SNAP47: variants seen among roughly 807,000 people sequenced by gnomAD.
SNAP47 encodes the protein synaptosomal-associated protein 47.
Under a neutral mutation model 31.4 loss-of-function variants are expected in SNAP47, and 20 were observed. The observed-to-expected ratio is 0.64, with a 90% CI of 0.45 to 0.93. The LOEUF (loss-of-function observed/expected upper bound fraction) is 0.93. Among genes scored for constraint, SNAP47 ranks in the 40% least tolerant of loss-of-function variants. SNAP47 has a pLI of 0.00. For synonymous variants in SNAP47, 194 were observed against 213.4 expected (o/e 0.91, Z 0.79); for missense variants, 492 against 528.5 (o/e 0.93, Z 0.68).
chr1:227,743,432 C>A (rs1661750146), intron 1 of SNAP47, among the ~76,000 whole-genome samples: 1 of 152,192 alleles, frequency 6.6e-6, no homozygotes, highest in Non-Finnish European at 1.5e-5. Context: ...TGGGCTCCGG[C>A]CTCCCATGGG....
Position 227,780,826 on chromosome 1 carries a change from G to A in SNAP47, c.*153G>A. 1 of 1,079,820 alleles carries A rather than the reference G, an allele frequency of 9.3e-7. No individual in the cohort carries two copies. Among genetic ancestry groups the A allele is most frequent in the Middle Eastern group, 3.0e-4 (1 of 3,338 alleles). 66.9% of individuals were successfully genotyped at this position (1,079,820 alleles called of 1,614,324 possible). On this transcript the variant is annotated 3_prime_UTR_variant, in exon 5 of 5. Transcript: ENST00000617596. ...CTGTGGGGCTGCTTCTGCACCAGGG[G>A]CCTCCCCAGGTGTGCACCATGCCTG...
Position 227,748,454 on chromosome 1 carries a change from C to T in SNAP47, c.497+221C>T, listed in dbSNP as rs117387337. On this transcript the variant is annotated intron_variant, in intron 2 of 4. Coordinates refer to ENST00000617596, the MANE Select transcript of SNAP47 (RefSeq NM_053052.4). Reference sequence around the variant, plus strand: ...TACACGGTACACTCTGCTGGAAACACACCGTGAGATCTGAGTGAGTGCTGG... The same window carrying T: ...TACACGGTACACTCTGCTGGAAACATACCGTGAGATCTGAGTGAGTGCTGG... Among the ~76,000 whole-genome samples the T allele has an allele frequency of 4.5e-3, 692 of 152,374 alleles. 17 individuals carry two copies. The South Asian group carries it at 0.055, about 12-fold the overall frequency.
At chr1:227,729,603 AGCTGCCCCTTCG>A (rs1346990169) in intron 1 of SNAP47, among the ~76,000 whole-genome samples, 1 of 152,140 alleles carries the variant, frequency 6.6e-6, no homozygotes. Context: ...CTGGCCAAGG[AGCTGCCCCTTCG>A]GCTGGGTCAG....
At chr1:227,733,562 T>A (rs996468289), upstream of SNAP47, 3 of 1,606,500 alleles carry the variant, frequency 1.9e-6, no homozygotes, top group Non-Finnish European at 2.5e-6. Context: ...GTAGGGCAGG[T>A]TGCCGTGGCG....
In SNAP47 at chr1:227,759,200, T is replaced by C. The variant is rs1662903067; in HGVS notation, c.703T>C (p.Ser235Pro). The C allele has an allele frequency of 2.5e-6, 4 of 1,614,074 alleles. No individual in the cohort carries two copies. Among genetic ancestry groups the C allele is most frequent in the Non-Finnish European group, 3.4e-6 (4 of 1,180,042 alleles). The change falls in exon 3 of 5, where the codon TCT (serine) becomes CCT (proline). Residue 235 changes from serine to proline, a missense_variant. Physicochemically the swap from Ser to Pro is moderately conservative, Grantham distance 74. Transcript: ENST00000617596. ...ACCAGGGAGGCTCACCGTCCTTGTG[T>C]CTGGGTTGGAAATACATGACTCCAG... ...VKPGRLTVLV[S>P]GLEIHDSSSL... is the part of the protein sequence containing the mutation.
At chr1:227,750,253 G>A (rs1228053849) in intron 2 of SNAP47, among the ~76,000 whole-genome samples, 1 of 152,272 alleles carries the variant, frequency 6.6e-6, no homozygotes, top group African/African-American at 2.4e-5. Context: ...TCTGCAGGGG[G>A]CCAGCAGCTG....
rs1663188059 is a variant in SNAP47, at chr1:227,763,423, C to G, written c.989-3536C>G. Among the ~76,000 whole-genome samples, 1 of 152,216 alleles carries G rather than the reference C, an allele frequency of 6.6e-6. No individual in the cohort carries two copies. Among genetic ancestry groups the G allele is most frequent in the African/African-American group, 2.4e-5 (1 of 41,460 alleles). On this transcript the variant is annotated intron_variant, in intron 3 of 4. Transcript: ENST00000617596. The surrounding 1 kb of genome is among the most constrained non-coding windows in gnomAD (Gnocchi z 4.2). The stretch of plus-strand genomic sequence containing the variant: ...CTGCACAGCAGCACCAGCAGCAGGA[C>G]AGGGCAGGAGGCAGGCGGATGCAGT...
chr1:227,732,340 G>A (rs528580525), upstream of SNAP47: 50 of 1,592,242 alleles, frequency 3.1e-5, no homozygotes, highest in South Asian at 2.7e-4. Context: ...GAAGGGCCCC[G>A]GAGCAGGAGG....
chr1:227,764,224 G>A (rs1663244950), intron 3 of SNAP47, among the ~76,000 whole-genome samples: 1 of 152,208 alleles, frequency 6.6e-6, no homozygotes, highest in South Asian at 2.1e-4. Context: ...GTTAAAAAGA[G>A]TGACTCAGCA....
At position 227,753,635 on chromosome 1, in the gene SNAP47, G is replaced by A. The variant is rs367551223; in HGVS notation, c.498-5360G>A. On this transcript the variant is annotated intron_variant, in intron 2 of 4. Coordinates refer to ENST00000617596, the MANE Select transcript of SNAP47 (RefSeq NM_053052.4). ...TGCAGCCTCTCAGCTTCCTCACATC[G>A]GAGGCAGTTTTACATAGGCCTGCTC... Among the ~76,000 whole-genome samples the A allele has an allele frequency of 2.0e-4, 31 of 152,186 alleles. No individual in the cohort carries two copies. In the South Asian group the frequency reaches 4.6e-3, roughly 22 times the overall value.
Position 227,748,284 on chromosome 1 carries a change from T to C in SNAP47, c.497+51T>C, listed in dbSNP as rs545284061. The C allele has an allele frequency of 1.3e-5, 19 of 1,478,492 alleles. No individual in the cohort carries two copies. The East Asian group carries it at 4.3e-4, about 34-fold the overall frequency. The allele number at this position is 1,478,492 out of a possible 1,614,324, so 91.6% of individuals were successfully genotyped here. ...AGGCACACACAGAGTAAGATGCACATGTGTGGAGGCTCACAGGCACTGTTC... is the reference window on the plus strand; with the variant it reads ...AGGCACACACAGAGTAAGATGCACACGTGTGGAGGCTCACAGGCACTGTTC... On this transcript the variant is annotated intron_variant, in intron 2 of 4. Transcript: ENST00000617596.
At chr1:227,734,954 C>T (rs1397005632), upstream of SNAP47, 55 of 1,500,216 alleles carry the variant, frequency 3.7e-5, no homozygotes, top group Admixed American at 4.4e-5. Context: ...GGGGGCCTCC[C>T]GGGCCTGGGT....
intron 2 of SNAP47, among the ~76,000 whole-genome samples, chr1:227,751,016 C>T (rs1040396386): frequency 4.6e-5 from 7 of 152,266 alleles, no homozygotes; most frequent in Admixed American, 6.5e-5. Flanking sequence ...GGGCACCAAG[C>T]GATGGGCCTG....
Position 227,780,767 on chromosome 1 carries a change from C to T in SNAP47, c.*94C>T. The T allele has an allele frequency of 6.5e-7, 1 of 1,541,324 alleles. No homozygotes were observed. Among genetic ancestry groups the T allele is most frequent in the Non-Finnish European group, 8.8e-7 (1 of 1,139,490 alleles). On this transcript the variant is annotated 3_prime_UTR_variant, in exon 5 of 5. Transcript: ENST00000617596. ...GCCAGGGCTGCAGAGGCCTGTGGCC[C>T]TCCGGAGTGGTCTTCCTCTGGATGG... is the stretch of plus-strand genomic sequence containing the variant.
upstream of SNAP47, chr1:227,733,857 G>C (rs753656200): frequency 8.1e-6 from 13 of 1,608,452 alleles, no homozygotes; most frequent in Non-Finnish European, 1.1e-5. Flanking sequence ...CTCCCAGTCC[G>C]TTCTGTCACC....
At chr1:227,758,505 G>A (rs1447297984) in intron 2 of SNAP47, among the ~76,000 whole-genome samples, 1 of 147,868 alleles carries the variant, frequency 6.8e-6, no homozygotes, top group Non-Finnish European at 1.5e-5. Context: ...AGTGTGGGTG[G>A]TGGGGAAGCA....
At chr1:227,775,805 C>G (rs1346802455) in intron 4 of SNAP47, 1 of 1,304,160 alleles carries the variant, frequency 7.7e-7, no homozygotes, top group South Asian at 1.2e-5. Context: ...CGGCCTATGT[C>G]GCTGTCAACC....
intron 4 of SNAP47, among the ~76,000 whole-genome samples, chr1:227,778,179 T>C (rs1664268217): frequency 6.6e-6 from 1 of 152,250 alleles, no homozygotes; most frequent in Non-Finnish European, 1.5e-5. Context: ...TGGTCTGTAT[T>C]ATGGGCAGAT....
chr1:227,771,627 G>A (rs1397623355), intron 4 of SNAP47, among the ~76,000 whole-genome samples: 1 of 151,952 alleles, frequency 6.6e-6, no homozygotes, highest in African/African-American at 2.4e-5. Context: ...GACAGTGAAC[G>A]CCTGCTCACC....
Sources: gnomAD v4.1 joint callset for allele counts (sites outside exome capture counted in the v4.1 genomes callset) on GRCh38, gnomAD v4.1.1 for gene constraint, Gnocchi (gnomAD v3.1) non-coding constraint, MANE v1.5 for transcripts, NCBI Gene and HGNC (gene_info 2026-07-23, HGNC 2026-07-21) for gene names.